The following WDR3 variants were observed in gnomAD, a reference collection of about 807,000 sequenced individuals.
WDR3 encodes the protein WD repeat-containing protein 3.
In WDR3, 81 loss-of-function variants were observed where a neutral mutation model predicts 123.7. That is an observed-to-expected ratio of 0.65 (90% CI 0.55 to 0.79). The LOEUF (loss-of-function observed/expected upper bound fraction) is 0.79. Ranked by LOEUF, WDR3 falls within the 30% of genes least tolerant of loss-of-function variation. The pLI is 0.00. For missense variants in WDR3, 1,027 were observed against 1,123.2 expected (o/e 0.91, Z 1.22); for synonymous variants, 390 against 388.8 (o/e 1.00, Z -0.04).
intron 5 of WDR3, 61 bp from the exon 6 acceptor site, chr1:117,939,416 A>G: frequency 3.2e-6 from 5 of 1,556,780 alleles, no homozygotes; most frequent in South Asian, 1.1e-5. Context: ...TTGGAATGTC[A>G]TATTATGCTA....
chr1:117,932,385 C>A (rs1052961686), intron 1 of WDR3, among the ~76,000 whole-genome samples: 10 of 152,190 alleles, frequency 6.6e-5, no homozygotes, highest in Non-Finnish European at 1.5e-4. Context: ...ATGAAAAATT[C>A]TAGGCCCTAC....
At chr1:117,954,764 G>T (rs974829696) in intron 23 of WDR3, 137 bp downstream of exon 23, 1 of 926,032 alleles carries the variant, frequency 1.1e-6, no homozygotes, top group Non-Finnish European at 1.6e-6. Flanking sequence ...TTGAATCTTG[G>T]CATTCTCTAG....
At chr1:117,936,443 C>T (rs533866664) in intron 3 of WDR3, among the ~76,000 whole-genome samples, 1 of 152,036 alleles carries the variant, frequency 6.6e-6, no homozygotes, top group South Asian at 2.1e-4. Flanking sequence ...AATGTGAACA[C>T]TCTGGAATAA....
At chr1:117,944,087 C>T (rs1651281870) in intron 11 of WDR3, among the ~76,000 whole-genome samples, 1 of 152,198 alleles carries the variant, frequency 6.6e-6, no homozygotes, top group Admixed American at 6.5e-5. Context: ...CCCTGCATTG[C>T]TCTCCAGTTA....
At chr1:117,944,509 T>C (rs1460577851) in intron 11 of WDR3, among the ~76,000 whole-genome samples, 1 of 152,210 alleles carries the variant, frequency 6.6e-6, no homozygotes, top group Non-Finnish European at 1.5e-5. Flanking sequence ...AATTCATATA[T>C]ACAAATACTT....
intron 11 of WDR3, 130 bp downstream of exon 11, chr1:117,943,756 T>C: frequency 1.2e-6 from 1 of 806,554 alleles, no homozygotes; most frequent in Non-Finnish European, 1.9e-6. Context: ...TTTGGGCCAT[T>C]AGCCTGTGGA....
At chr1:117,953,443 A>G in intron 20 of WDR3, 33 bp from the exon 21 acceptor site, 1 of 1,603,766 alleles carries the variant, frequency 6.2e-7, no homozygotes, top group East Asian at 2.2e-5. Context: ...AACAGTCAAC[A>G]GTGTTATTCA....
chr1:117,935,412 A>T (rs112703189), intron 3 of WDR3, among the ~76,000 whole-genome samples: 13 of 152,202 alleles, frequency 8.5e-5, no homozygotes, highest in African/African-American at 3.1e-4. Context: ...AAAATGTCAT[A>T]TAAACCCATA....
intron 1 of WDR3, among the ~76,000 whole-genome samples, chr1:117,931,577 T>C (rs1031660493): frequency 3.3e-5 from 5 of 152,198 alleles, no homozygotes; most frequent in African/African-American, 1.2e-4. Context: ...TTGGAAACTC[T>C]ATAATTAGTA....
intron 1 of WDR3, among the ~76,000 whole-genome samples, chr1:117,932,677 G>A (rs144089372): frequency 6.6e-6 from 1 of 152,270 alleles, no homozygotes; most frequent in Non-Finnish European, 1.5e-5. Context: ...TTTGATGCTG[G>A]TTTAATGGGC....
At position 117,950,069 on chromosome 1, in the gene WDR3, A is replaced by G. The variant is rs1422503960; in HGVS notation, c.1685A>G (p.Lys562Arg). 6.2e-7 allele frequency: 1 copy of G among 1,613,920 alleles called. No individual in the cohort carries two copies. Among genetic ancestry groups the G allele is most frequent in the East Asian group, 2.2e-5 (1 of 44,860 alleles). ...TGTGTCAGTTACTCTCCCAATCAAA[A>G]GCTATTGGCTGTGTCTTTGCTGGAC... ...VLCVSYSPNQ[K>R]LLAVSLLDCT... Residue 562 changes from lysine (K) to arginine (R), a missense_variant, in exon 15 of 27, where the codon AAG becomes AGG. Transcript: ENST00000349139.
intron 19 of WDR3, 64 bp downstream of exon 19, chr1:117,952,726 G>C: frequency 6.3e-7 from 1 of 1,582,780 alleles, no homozygotes; most frequent in Non-Finnish European, 8.6e-7. Context: ...CCTAGTTGAA[G>C]TTTTCTGTCT....
At position 117,940,922 on chromosome 1, in the gene WDR3, G is replaced by A. The variant is rs1206690124; in HGVS notation, c.771G>A (p.Thr257=). Residue 257 remains threonine (T), a synonymous_variant, in exon 7 of 27, where the codon ACG becomes ACA. Transcript: ENST00000349139. ...AGGCAGAGGATGGTGCCTTTGAGAC[G>A]GATGAAGCCCCTGAGGATGTAATTC... ...TLEAEDGAFE[T]DEAPEDRILS... 27 of 1,612,002 alleles carry A rather than the reference G, an allele frequency of 1.7e-5. No homozygotes were observed. The highest frequency in any genetic ancestry group is 2.2e-5 in the East Asian group (1 of 44,892).
intron 16 of WDR3, 149 bp downstream of exon 16, chr1:117,951,039 A>G: frequency 1.8e-6 from 1 of 566,930 alleles, no homozygotes; most frequent in East Asian, 3.3e-5. Flanking sequence ...TCAAATTAAT[A>G]TATATTGTAT....
chr1:117,950,145 C>G lies in WDR3; in HGVS notation c.1746+15C>G. 6.2e-7 allele frequency: 1 copy of G among 1,612,056 alleles called. No homozygotes were observed. The highest frequency in any genetic ancestry group is 1.1e-5 in the South Asian group (1 of 90,636). On this transcript the variant is annotated intron_variant, in intron 15 of 26. Coordinates refer to ENST00000349139, the MANE Select transcript of WDR3 (RefSeq NM_006784.3). ...ATACTTTAAAGGTACAGTGGTTATG[C>G]CTGCGGATATTTTCCCTTTCTGACT... is the stretch of plus-strand genomic sequence containing the variant.
chr1:117,939,354 C>A, intron 5 of WDR3, 123 bp from the exon 6 acceptor site: 1 of 942,110 alleles, frequency 1.1e-6, no homozygotes, highest in Non-Finnish European at 1.6e-6. Context: ...TGTCGATATG[C>A]CTTTTCTTTG....
intron 7 of WDR3, 79 bp from the exon 8 acceptor site, chr1:117,941,045 C>G: frequency 6.3e-7 from 1 of 1,583,368 alleles, no homozygotes; most frequent in Non-Finnish European, 8.6e-7. Context: ...TTGTCACTTG[C>G]ACTTATTAGA....
intron 23 of WDR3, 72 bp from the exon 24 acceptor site, chr1:117,955,243 A>C: frequency 7.6e-7 from 1 of 1,307,704 alleles, no homozygotes; most frequent in Non-Finnish European, 1.1e-6. Flanking sequence ...GTTTTATAGG[A>C]GATAGAAATT....
chr1:117,943,752 C>A, intron 11 of WDR3, 126 bp downstream of exon 11: 1 of 839,302 alleles, frequency 1.2e-6, no homozygotes, highest in Non-Finnish European at 1.8e-6. Context: ...TGCATTTGGG[C>A]CATTAGCCTG....
Sources: allele counts gnomAD v4.1 joint callset (sites outside exome capture counted in the v4.1 genomes callset), GRCh38; gene constraint gnomAD v4.1.1; transcripts MANE v1.5; gene names NCBI Gene and HGNC (gene_info 2026-07-23, HGNC 2026-07-21).